The following P3H2 variants were observed in gnomAD, a reference collection of about 807,000 sequenced individuals.
The protein encoded by P3H2 is leprecan-like 1.
A neutral mutation model predicts 87.0 loss-of-function variants in P3H2; 80 were observed. The observed-to-expected ratio is 0.92, with a 90% CI of 0.77 to 1.11. The LOEUF (loss-of-function observed/expected upper bound fraction) is 1.11, where lower values mean the gene tolerates loss of function less well. Among genes scored for constraint, P3H2 ranks in the 50% least tolerant of loss-of-function variants. P3H2 has a pLI of 0.00. For missense variants in P3H2, 1,001 were observed against 923.9 expected, an observed-to-expected ratio of 1.08 and a Z score of -1.08; for synonymous variants, 367 against 359.3, an observed-to-expected ratio of 1.02 and a Z score of -0.24.
chr3:190,119,963 G>A (rs1051796359), intron 1 of P3H2, among the ~76,000 whole-genome samples: 2 of 152,076 alleles, frequency 1.3e-5, no homozygotes, highest in South Asian at 4.1e-4. Context: ...CTTTGTCAAT[G>A]CCTCATGAAT....
At chr3:190,029,117 T>G (rs1198893855) in intron 1 of P3H2, among the ~76,000 whole-genome samples, 1 of 152,320 alleles carries the variant, frequency 6.6e-6, no homozygotes, top group Non-Finnish European at 1.5e-5. Context: ...TATTTGATTA[T>G]CTCTTAAGAG....
Position 189,987,609 on chromosome 3 carries a change from T to C in P3H2, c.1016A>G (p.Asp339Gly), listed in dbSNP as rs1411490023. The C allele has an allele frequency of 1.2e-6, 2 of 1,613,924 alleles. No homozygotes were observed. Among genetic ancestry groups the C allele is most frequent in the Non-Finnish European group, 1.7e-6 (2 of 1,179,908 alleles). ...ATCCACATTGTCTAGGACATCCTCA[T>C]CATCTGGATGGCATAGAAGATAGGC... Reference protein sequence around the residue: ...AKAYLLCHPDDEDVLDNVDYY... With the variant: ...AKAYLLCHPDGEDVLDNVDYY... The change falls in exon 5 of 15, where the codon GAT becomes GGT. Residue 339 changes from aspartate to glycine, a missense_variant. By Grantham distance (94) the Asp-to-Gly change is moderately conservative. Transcript: ENST00000319332.
chr3:189,957,509 T>G lies in P3H2; in HGVS notation c.*403A>C. On this transcript the variant is annotated 3_prime_UTR_variant, in exon 15 of 15. Transcript: ENST00000319332. ...GGGGAGGAGGTGAACTGGGCTTTGA[T>G]AGATACATGAAATGATGAAAAACCA... is the stretch of plus-strand genomic sequence containing the variant. 2.6e-6 allele frequency: 1 copy of G among 383,886 alleles called. No homozygotes were observed. The highest frequency in any genetic ancestry group is 4.6e-6 in the Non-Finnish European group (1 of 216,710). 23.8% of individuals were successfully genotyped at this position (383,886 alleles called of 1,614,324 possible).
At chr3:189,962,112 C>G (rs1722832497) in intron 14 of P3H2, among the ~76,000 whole-genome samples, 1 of 149,378 alleles carries the variant, frequency 6.7e-6, no homozygotes, top group Admixed American at 6.7e-5. Flanking sequence ...TTTCAGGACT[C>G]TGTGCTCTGG....
chr3:189,974,670 T>G lies in P3H2; in HGVS notation c.1340A>C (p.Tyr447Ser). The change falls in exon 9 of 15, where the codon TAT becomes TCT. Residue 447 changes from tyrosine (Y) to serine (S), a missense_variant. By Grantham distance (144) the Tyr-to-Ser change is moderately radical. Coordinates refer to ENST00000319332, the MANE Select transcript of P3H2 (RefSeq NM_018192.4). The part of the protein sequence containing the change: ...RDLREGGPLL[Y>S]ENITFVYNSE... The stretch of plus-strand genomic sequence containing the variant: ...GTTGTAGACGAATGTGATGTTCTCA[T>G]AGAGTAGAGGACCACCTACAGGAAC... The G allele has an allele frequency of 2.5e-6, 4 of 1,614,186 alleles. No individual in the cohort carries two copies. Among genetic ancestry groups the G allele is most frequent in the Non-Finnish European group, 3.4e-6 (4 of 1,180,040 alleles).
In P3H2 at chr3:190,012,677, G is replaced by A. The variant is rs549189738; in HGVS notation, c.481-17235C>T. On this transcript the variant is annotated intron_variant, in intron 1 of 14. Transcript: ENST00000319332. Reference sequence around the variant, plus strand: ...GCTTAAACATCATTTCCTCTGCTACGTCTTCCATGAACAACTAAATCCCAT... The same window carrying A: ...GCTTAAACATCATTTCCTCTGCTACATCTTCCATGAACAACTAAATCCCAT... 9.3e-4 allele frequency among the ~76,000 whole-genome samples: 142 copies of A among 152,030 alleles called. 3 individuals carry two copies. The highest frequency in any genetic ancestry group is 3.9e-4 in the East Asian group (2 of 5,166).
In P3H2 at chr3:189,973,027, GA is replaced by G. The variant is rs71674435; in HGVS notation, c.1549-4del. 442 of 1,444,876 alleles carry G rather than the reference GA, an allele frequency of 3.1e-4. No homozygotes were observed. Among genetic ancestry groups the G allele is most frequent in the Middle Eastern group, 9.2e-4 (5 of 5,452 alleles). 89.5% of individuals were successfully genotyped at this position (1,444,876 alleles called of 1,614,324 possible). On this transcript the variant is annotated splice_polypyrimidine_tract_variant and splice_region_variant and intron_variant, in intron 10 of 14. Transcript: ENST00000319332. ...GGGACTCGACCTTCATAACCAGACTGAAAAAAAAAAACAAAACATGAGAAAC... is the reference window on the plus strand; with the variant it reads ...GGGACTCGACCTTCATAACCAGACTGAAAAAAAAAACAAAACATGAGAAAC...
chr3:189,966,080 AAGG>A (rs1722971300), intron 13 of P3H2, among the ~76,000 whole-genome samples: 1 of 133,698 alleles, frequency 7.5e-6, no homozygotes, highest in African/African-American at 3.1e-5. Context: ...GAAGGAAAGA[AAGG>A]AAGAAAGAAA....
intron 8 of P3H2, among the ~76,000 whole-genome samples, chr3:189,978,430 G>C (rs147269929): frequency 1.4e-4 from 22 of 152,206 alleles, no homozygotes; most frequent in Admixed American, 9.8e-4. Context: ...ACCTTAATAA[G>C]CATAGAGCCT....
intron 3 of P3H2, 48 bp downstream of exon 3, chr3:189,994,046 G>C (rs1723962008): frequency 7.1e-7 from 1 of 1,415,840 alleles, no homozygotes; most frequent in Admixed American, 1.7e-5. Flanking sequence ...ATTGCAAGTA[G>C]TATTTTTATA....
intron 13 of P3H2, chr3:189,969,935 G>T: frequency 1.3e-6 from 1 of 756,062 alleles, no homozygotes. Context: ...AAGAGCGGCA[G>T]CAGTCGAAAA....
intron 1 of P3H2, among the ~76,000 whole-genome samples, chr3:190,100,159 G>T (rs561115010): frequency 5.9e-5 from 9 of 152,004 alleles, no homozygotes; most frequent in African/African-American, 2.2e-4. Flanking sequence ...GCTCGAACTG[G>T]GGAGGCAGAG....
intron 8 of P3H2, among the ~76,000 whole-genome samples, chr3:189,981,569 C>G (rs745545812): frequency 6.6e-6 from 1 of 152,144 alleles, no homozygotes; most frequent in Admixed American, 6.5e-5. Flanking sequence ...TCGTCCTAGA[C>G]AATTCTGTGG....
At chr3:189,999,953 T>C (rs1386747894) in intron 1 of P3H2, among the ~76,000 whole-genome samples, 1 of 152,162 alleles carries the variant, frequency 6.6e-6, no homozygotes, top group Non-Finnish European at 1.5e-5. Flanking sequence ...ATTGACTAAA[T>C]CAACAGCCTG....
At chr3:190,091,693 G>C (rs974313369) in intron 1 of P3H2, among the ~76,000 whole-genome samples, 1 of 152,234 alleles carries the variant, frequency 6.6e-6, no homozygotes, top group Admixed American at 6.5e-5. Context: ...TTTTTAAAGA[G>C]TACATAGGCT....
chr3:189,961,392 A>T (rs1157185179), intron 14 of P3H2, among the ~76,000 whole-genome samples: 1 of 152,240 alleles, frequency 6.6e-6, no homozygotes, highest in Non-Finnish European at 1.5e-5. Context: ...ACATCCTTGC[A>T]TCCTTAAAAG....
At chr3:190,087,416 C>A (rs919484272) in intron 1 of P3H2, among the ~76,000 whole-genome samples, 2 of 151,428 alleles carry the variant, frequency 1.3e-5, no homozygotes, top group South Asian at 2.1e-4. Flanking sequence ...TGGTGGCGGG[C>A]GCCTGTAGTC....
In P3H2 at chr3:189,994,807, A is replaced by T. The variant is rs1415210569; in HGVS notation, c.633+483T>A. 2.6e-5 allele frequency among the ~76,000 whole-genome samples: 4 copies of T among 151,862 alleles called. No homozygotes were observed. The South Asian group carries it at 6.2e-4, about 24-fold the overall frequency. ...TGATTTCAAGTAATGTTTAGTCTAT[A>T]TAAAGAACTACATCACTTTTTAAAA... On this transcript the variant is annotated intron_variant, in intron 2 of 14. Coordinates refer to ENST00000319332, the MANE Select transcript of P3H2 (RefSeq NM_018192.4).
chr3:190,012,799 G>A (rs1014024482), intron 1 of P3H2, among the ~76,000 whole-genome samples: 6 of 152,086 alleles, frequency 3.9e-5, no homozygotes, highest in African/African-American at 1.4e-4. Flanking sequence ...GTGGCTCTCT[G>A]GGGGCAGAGT....
Sources: gnomAD v4.1 joint callset for allele counts (sites outside exome capture counted in the v4.1 genomes callset) on GRCh38, gnomAD v4.1.1 for gene constraint, MANE v1.5 for transcripts, NCBI Gene and HGNC (gene_info 2026-07-23, HGNC 2026-07-21) for gene names.